The following UTRN variants were observed in gnomAD, a reference collection of about 807,000 sequenced individuals.
The protein encoded by UTRN is utrophin, also known as dystrophin-related protein 1.
In UTRN, 283 loss-of-function variants were observed where a neutral mutation model predicts 463.9. The observed-to-expected ratio is 0.61, with a 90% confidence interval of 0.55 to 0.67. UTRN has a LOEUF of 0.67. Ranked by LOEUF, UTRN falls within the 30% of genes least tolerant of loss-of-function variation. UTRN has a pLI of 0.00. For synonymous variants in UTRN, 1,442 were observed against 1,431.5 expected (o/e 1.01, Z -0.17); for missense variants, 3,922 against 4,084.3 (o/e 0.96, Z 1.08).
At chr6:144,850,025 CAG>C (rs1174538175) in intron 74 of UTRN, among the ~76,000 whole-genome samples, 1 of 152,198 alleles carries the variant, frequency 6.6e-6, no homozygotes, top group African/African-American at 2.4e-5. Flanking sequence ...ACCTGCTTCA[CAG>C]GAGGGCCTCC....
chr6:144,811,197 G>A (rs1778580423), intron 65 of UTRN, among the ~76,000 whole-genome samples: 4 of 151,978 alleles, frequency 2.6e-5, no homozygotes, highest in Non-Finnish European at 5.9e-5. Context: ...AAATCTAGAA[G>A]CAGTTGTTTT....
At chr6:144,524,893 T>G (rs1292335012) in intron 41 of UTRN, among the ~76,000 whole-genome samples, 1 of 152,220 alleles carries the variant, frequency 6.6e-6, no homozygotes, top group Non-Finnish European at 1.5e-5. Context: ...CTGAGAATTT[T>G]AATCATAAAG....
chr6:144,550,559 G>A (rs1021065913), intron 47 of UTRN, among the ~76,000 whole-genome samples: 5 of 152,102 alleles, frequency 3.3e-5, no homozygotes, highest in Non-Finnish European at 5.9e-5. Flanking sequence ...ACATTAGTTT[G>A]TGTTCGTACC....
At chr6:144,688,428 G>T (rs1284619456) in intron 52 of UTRN, among the ~76,000 whole-genome samples, 5 of 152,124 alleles carry the variant, frequency 3.3e-5, no homozygotes, top group Admixed American at 1.3e-4. Flanking sequence ...TCATTTGGTG[G>T]TGTTAAAGAA....
chr6:144,712,288 G>T (rs1452933565), intron 53 of UTRN, among the ~76,000 whole-genome samples: 3 of 152,072 alleles, frequency 2.0e-5, no homozygotes, highest in Non-Finnish European at 4.4e-5. Flanking sequence ...ACCCCATTTG[G>T]TTGTCTGCAC....
At chr6:144,681,308 A>G (rs1782171683) in intron 52 of UTRN, among the ~76,000 whole-genome samples, 1 of 152,152 alleles carries the variant, frequency 6.6e-6, no homozygotes, top group African/African-American at 2.4e-5. Context: ...AGGTTGAAAC[A>G]TTAGAAGAGG....
rs1412575390 is a variant in UTRN at position 144,286,925 on chromosome 6, T to C, written c.-93+1104T>C. ...GGATCACCAGGGCCTTGCGGGCCAG[T>C]TCCCCCTGCCGCGGTTGGGAGGGTC... On this transcript the variant is annotated intron_variant, in intron 1 of 74. Transcript: ENST00000367545. This position sits in a 1 kb window ranked among gnomAD's most constrained non-coding sequence, Gnocchi z 4.4. Among the ~76,000 whole-genome samples the C allele has an allele frequency of 1.3e-5, 2 of 152,288 alleles. No homozygotes were observed. The highest frequency in any genetic ancestry group is 4.8e-5 in the African/African-American group (2 of 41,558).
chr6:144,666,157 G>T (rs1246684938), intron 51 of UTRN, among the ~76,000 whole-genome samples: 1 of 152,178 alleles, frequency 6.6e-6, no homozygotes, highest in Non-Finnish European at 1.5e-5. Context: ...TGTAGCATTT[G>T]ACGCCACATC....
chr6:144,600,892 G>A (rs1169402291), intron 51 of UTRN, among the ~76,000 whole-genome samples: 1 of 152,180 alleles, frequency 6.6e-6, no homozygotes, highest in East Asian at 1.9e-4. Flanking sequence ...AATGCAGCTG[G>A]TGACTTTAAT....
chr6:144,774,404 ATTG>A, intron 60 of UTRN, 40 bp downstream of exon 60: 6 of 1,459,586 alleles, frequency 4.1e-6, no homozygotes, highest in Non-Finnish European at 5.4e-6. Context: ...TGTTACTTGA[ATTG>A]CGTTTTTTTT....
intron 51 of UTRN, among the ~76,000 whole-genome samples, chr6:144,592,220 G>C (rs1261991955): frequency 2.0e-5 from 3 of 151,932 alleles, no homozygotes; most frequent in Admixed American, 6.6e-5. Flanking sequence ...ACTATGGTTA[G>C]GTAACTAGGT....
chr6:144,560,599 A>G (rs934356305), intron 50 of UTRN, among the ~76,000 whole-genome samples: 2 of 152,182 alleles, frequency 1.3e-5, no homozygotes, highest in East Asian at 3.8e-4. Flanking sequence ...AATACTGTGC[A>G]GCATAATGTG....
At chr6:144,723,510 A>G (rs977829613) in intron 53 of UTRN, among the ~76,000 whole-genome samples, 2 of 152,188 alleles carry the variant, frequency 1.3e-5, no homozygotes, top group Non-Finnish European at 2.9e-5. Context: ...GAACCTTACC[A>G]TGCAAGAACT....
intron 34 of UTRN, among the ~76,000 whole-genome samples, chr6:144,501,899 A>T (rs1321432860): frequency 6.6e-6 from 1 of 152,204 alleles, no homozygotes; most frequent in African/African-American, 2.4e-5. Flanking sequence ...TTATTTAATT[A>T]GAACATTTTT....
At chr6:144,510,397 G>C (rs941685601) in intron 34 of UTRN, among the ~76,000 whole-genome samples, 14 of 152,126 alleles carry the variant, frequency 9.2e-5, no homozygotes, top group African/African-American at 3.4e-4. Flanking sequence ...TCTCTTGTGA[G>C]TTACTTACAT....
chr6:144,848,540 T>C (rs1782217337), intron 74 of UTRN, among the ~76,000 whole-genome samples: 1 of 152,164 alleles, frequency 6.6e-6, no homozygotes, highest in Non-Finnish European at 1.5e-5. Flanking sequence ...GATCCTATTG[T>C]CAAAGGATGG....
Position 144,514,747 on chromosome 6 carries a change from A to T in UTRN, c.5171A>T (p.Glu1724Val). 1 of 1,614,152 alleles carries T rather than the reference A, an allele frequency of 6.2e-7. No individual in the cohort carries two copies. The highest frequency in any genetic ancestry group is 8.5e-7 in the Non-Finnish European group (1 of 1,180,012). ...AATGCCCGTGGAAGCTCAAGCAGGGAGCTTGTAGAACCAAAGTTAGCTGAG... is the reference window on the plus strand; with the variant it reads ...AATGCCCGTGGAAGCTCAAGCAGGGTGCTTGTAGAACCAAAGTTAGCTGAG... ...LMNARGSSSR[E>V]LVEPKLAELN... is the part of the protein sequence containing the mutation. Residue 1724 changes from glutamate to valine, a missense_variant, in exon 37 of 75, where the codon GAG becomes GTG. Around this residue, in one of 3 missense-constraint regions of UTRN, gnomAD observed 2,349 missense variants for 2,303.8 expected, o/e 1.02. Transcript: ENST00000367545.
At chr6:144,375,299 A>T (rs1360544095) in intron 2 of UTRN, among the ~76,000 whole-genome samples, 1 of 152,218 alleles carries the variant, frequency 6.6e-6, no homozygotes, top group African/African-American at 2.4e-5. Context: ...GGGGCATTTT[A>T]TGGTTATAAG....
intron 62 of UTRN, among the ~76,000 whole-genome samples, chr6:144,790,868 T>A (rs1205580904): frequency 1.3e-5 from 2 of 152,178 alleles, no homozygotes; most frequent in Non-Finnish European, 2.9e-5. Flanking sequence ...ACAGTTATAG[T>A]GTGGAGCTTA....
Sources: allele counts gnomAD v4.1 joint callset (sites outside exome capture counted in the v4.1 genomes callset), GRCh38; gene constraint gnomAD v4.1.1; regional missense constraint gnomAD v4.1.1; non-coding constraint Gnocchi (gnomAD v3.1); transcripts MANE v1.5; gene names NCBI Gene and HGNC (gene_info 2026-07-23, HGNC 2026-07-21).